The following FRA10AC1 variants were observed in gnomAD, a reference collection of about 807,000 sequenced individuals.
The protein encoded by FRA10AC1 is protein FRA10AC1.
In FRA10AC1, 43 loss-of-function variants were observed where a neutral mutation model predicts 56.5. That is an observed-to-expected ratio of 0.76 (90% CI 0.60 to 0.98). The LOEUF is 0.98. FRA10AC1 is among the 50% of genes least tolerant of loss of function. FRA10AC1 has a pLI of 0.00. For synonymous variants in FRA10AC1, 112 were observed against 110.5 expected, an observed-to-expected ratio of 1.01 and a Z score of -0.09; for missense variants, 346 against 351.8, an observed-to-expected ratio of 0.98 and a Z score of 0.13.
At chr10:93,680,706 CT>C (rs1336151477) in intron 11 of FRA10AC1, among the ~76,000 whole-genome samples, 3 of 152,174 alleles carry the variant, frequency 2.0e-5, no homozygotes, top group Non-Finnish European at 4.4e-5. Context: ...CCGATTGACT[CT>C]ACTTTATTAT....
intron 7 of FRA10AC1, chr10:93,687,733 A>C (rs967201735): frequency 8.8e-6 from 2 of 226,124 alleles, no homozygotes; most frequent in Admixed American, 5.5e-5. Flanking sequence ...ACAAGAAAAA[A>C]AGAGGTTATG....
At chr10:93,693,613 CAT>C (rs1206625319) in intron 5 of FRA10AC1, among the ~76,000 whole-genome samples, 1 of 130,046 alleles carries the variant, frequency 7.7e-6, no homozygotes, top group Non-Finnish European at 1.6e-5. Flanking sequence ...ATATACACAC[CAT>C]ATATATATAC....
chr10:93,676,777 T>G, intron 11 of FRA10AC1, 86 bp from the exon 12 acceptor site: 6 of 1,440,086 alleles, frequency 4.2e-6, no homozygotes, highest in Non-Finnish European at 4.6e-6. Context: ...TTAGCAATAT[T>G]CTAGTTTGCT....
chr10:93,681,700 T>C (rs527853731), intron 10 of FRA10AC1, 102 bp from the exon 11 acceptor site: 3 of 1,059,998 alleles, frequency 2.8e-6, no homozygotes, highest in Non-Finnish European at 3.8e-6. Flanking sequence ...AAAATACTTA[T>C]TTTTTAAATG....
chr10:93,695,437 CA>C (rs2133938517), intron 4 of FRA10AC1, among the ~76,000 whole-genome samples: 1 of 151,612 alleles, frequency 6.6e-6, no homozygotes, highest in African/African-American at 2.4e-5. Flanking sequence ...ATTAAACTTT[CA>C]AAAAAGCAAA....
At chr10:93,695,321 TTTCA>T (rs1369662979) in intron 4 of FRA10AC1, among the ~76,000 whole-genome samples, 2 of 152,014 alleles carry the variant, frequency 1.3e-5, no homozygotes, top group Non-Finnish European at 1.5e-5. Context: ...AGAATTTATC[TTTCA>T]TTATCATAAA....
At position 93,669,230 on chromosome 10, in the gene FRA10AC1, A is replaced by C. The variant is rs986668156; in HGVS notation, c.*596T>G. 3.9e-5 allele frequency: 6 copies of C among 152,184 alleles called. No homozygotes were observed. The highest frequency in any genetic ancestry group is 3.9e-4 in the Admixed American group (6 of 15,262). 9.4% of individuals were successfully genotyped at this position (152,184 alleles called of 1,614,324 possible). A position where few individuals can be genotyped will look rare whatever the true frequency, so the allele number is the denominator to read the frequency against. On this transcript the variant is annotated 3_prime_UTR_variant, in exon 14 of 14. Coordinates refer to ENST00000359204, the MANE Select transcript of FRA10AC1 (RefSeq NM_145246.5). ...AGAAGGGTGCCAGTTTATCAATGGGAAAGAAAGAAGTTAAAGACATACATA... is the reference window on the plus strand; with the variant it reads ...AGAAGGGTGCCAGTTTATCAATGGGCAAGAAAGAAGTTAAAGACATACATA...
intron 4 of FRA10AC1, among the ~76,000 whole-genome samples, chr10:93,697,446 A>G (rs889280276): frequency 5.9e-5 from 9 of 152,230 alleles, no homozygotes; most frequent in African/African-American, 2.2e-4. Flanking sequence ...TCCTTCTCCC[A>G]ATTCTGATCA....
chr10:93,687,003 G>C (rs1564817082), intron 8 of FRA10AC1, among the ~76,000 whole-genome samples: 1 of 151,824 alleles, frequency 6.6e-6, no homozygotes, highest in Admixed American at 6.6e-5. Context: ...TGGGATTAAA[G>C]TGATATTTAA....
chr10:93,692,261 CAG>C (rs1416243976), intron 6 of FRA10AC1, among the ~76,000 whole-genome samples, 168 bp from the exon 7 acceptor site: 2 of 152,072 alleles, frequency 1.3e-5, no homozygotes, highest in African/African-American at 4.8e-5. Context: ...GTGGTTCACT[CAG>C]GGAGGGAAAT....
At chr10:93,679,467 A>G (rs1435893155) in intron 11 of FRA10AC1, among the ~76,000 whole-genome samples, 1 of 152,204 alleles carries the variant, frequency 6.6e-6, no homozygotes, top group Admixed American at 6.5e-5. Context: ...AATGACATTT[A>G]AGAGCTTAGA....
Position 93,690,588 on chromosome 10 carries a change from T to C in FRA10AC1, c.465+1421A>G, listed in dbSNP as rs953926388. 2.6e-5 allele frequency among the ~76,000 whole-genome samples: 4 copies of C among 151,876 alleles called. No individual in the cohort carries two copies. In the East Asian group the frequency reaches 5.8e-4, roughly 22 times the overall value. ...ACAACAAAATACTGAAGAATTATGA[T>C]GGTATTAGGAGGTGGGGAAAAATAA... is the stretch of plus-strand genomic sequence containing the variant. On this transcript the variant is annotated intron_variant, in intron 7 of 13. Coordinates refer to ENST00000359204, the MANE Select transcript of FRA10AC1 (RefSeq NM_145246.5).
chr10:93,686,907 G>T (rs777768077), intron 8 of FRA10AC1, among the ~76,000 whole-genome samples: 1 of 151,784 alleles, frequency 6.6e-6, no homozygotes, highest in Admixed American at 6.6e-5. Context: ...CCTACCAAAT[G>T]TCTGGTCTTT....
chr10:93,673,507 G>C (rs1340224974), intron 12 of FRA10AC1: 2 of 372,124 alleles, frequency 5.4e-6, no homozygotes, highest in Non-Finnish European at 1.0e-5. Context: ...TTTGAATAAT[G>C]AAAGTAGGTC....
Position 93,684,075 on chromosome 10 carries a change from T to C in FRA10AC1, c.649A>G (p.Lys217Glu), listed in dbSNP as rs1476257929. Residue 217 changes from lysine to glutamate, a missense_variant, in exon 10 of 14, where the codon AAA becomes GAA. Transcript: ENST00000359204. ...KLRLCQECSIKLNFHHRRKEI... is the reference protein window; with the variant it reads ...KLRLCQECSIELNFHHRRKEI... ...CATTACCTGTGATGGAAATTTAATT[T>C]AATGGAACATTCTTGGCATAACCCT... 1.9e-6 allele frequency: 3 copies of C among 1,606,818 alleles called. No individual in the cohort carries two copies. Among genetic ancestry groups the C allele is most frequent in the Non-Finnish European group, 2.6e-6 (3 of 1,174,166 alleles).
At chr10:93,692,286 A>G (rs1047024440) in intron 6 of FRA10AC1, among the ~76,000 whole-genome samples, 193 bp from the exon 7 acceptor site, 1 of 152,216 alleles carries the variant, frequency 6.6e-6, no homozygotes, top group African/African-American at 2.4e-5. Context: ...GAGAACTGAC[A>G]GTCACAAATA....
intron 2 of FRA10AC1, 110 bp downstream of exon 2, chr10:93,699,919 CA>C (rs780174734): frequency 1.9e-5 from 12 of 621,786 alleles, no homozygotes; most frequent in Non-Finnish European, 3.1e-5. Context: ...TTCACTAGAG[CA>C]ATTGTCTTCA....
chr10:93,670,867 T>A lies in FRA10AC1; in HGVS notation c.827-19A>T. The A allele has an allele frequency of 1.3e-6, 2 of 1,571,446 alleles. No individual in the cohort carries two copies. The highest frequency in any genetic ancestry group is 1.7e-6 in the Non-Finnish European group (2 of 1,143,348). ...GAGTTTCCTGTTCATTTAAAAAAGA[T>A]GATTTTTAAAAACCTATTATACTTA... is the stretch of plus-strand genomic sequence containing the variant. On this transcript the variant is annotated intron_variant, in intron 12 of 13. Coordinates refer to ENST00000359204, the MANE Select transcript of FRA10AC1 (RefSeq NM_145246.5).
At chr10:93,679,213 T>C (rs1407129558) in intron 11 of FRA10AC1, among the ~76,000 whole-genome samples, 1 of 152,248 alleles carries the variant, frequency 6.6e-6, no homozygotes, top group Non-Finnish European at 1.5e-5. Context: ...AATTCCACCT[T>C]GCTTTGGTCT....
Sources: gnomAD v4.1 joint callset for allele counts (sites outside exome capture counted in the v4.1 genomes callset) on GRCh38, gnomAD v4.1.1 for gene constraint, MANE v1.5 for transcripts, NCBI Gene and HGNC (gene_info 2026-07-23, HGNC 2026-07-21) for gene names.